Variants in HS1BP3 observed in about 807,000 individuals in gnomAD.
The protein encoded by HS1BP3 is HCLS1 binding protein 3.
In HS1BP3, 32 loss-of-function variants were observed where a neutral mutation model predicts 33.5. The observed-to-expected ratio is 0.95, with a 90% confidence interval of 0.72 to 1.28. The LOEUF (loss-of-function observed/expected upper bound fraction) is 1.28. HS1BP3 is among the 50% of genes most tolerant of loss of function. The pLI, the probability that HS1BP3 is intolerant of heterozygous loss-of-function variation, is 0.00. For synonymous variants in HS1BP3, 187 were observed against 209.2 expected (o/e 0.89, Z 0.92); for missense variants, 486 against 502.3 (o/e 0.97, Z 0.31).
At chr2:20,626,836 C>A (rs1288773831) in intron 4 of HS1BP3, among the ~76,000 whole-genome samples, 1 of 152,186 alleles carries the variant, frequency 6.6e-6, no homozygotes, top group Non-Finnish European at 1.5e-5. Flanking sequence ...TCCTCTGAGA[C>A]CTGGAGGAGC....
intron 6 of HS1BP3, chr2:20,623,613 C>A: frequency 3.2e-6 from 1 of 313,854 alleles, no homozygotes; most frequent in Non-Finnish European, 5.8e-6. Flanking sequence ...TTTAATTATT[C>A]TTTACATAAA....
chr2:20,622,391 C>G, intron 6 of HS1BP3: 2 of 1,194,110 alleles, frequency 1.7e-6, no homozygotes, highest in Non-Finnish European at 2.2e-6. Context: ...GGTGGGGGTG[C>G]GGGACCCACA....
chr2:20,598,659 C>T (rs1694001746), intron 2 of HS1BP3, among the ~76,000 whole-genome samples: 1 of 143,080 alleles, frequency 7.0e-6, no homozygotes, highest in East Asian at 2.1e-4. Flanking sequence ...CCCGGGTTCA[C>T]GCCATTCTCC....
downstream of HS1BP3, among the ~76,000 whole-genome samples, chr2:20,556,992 AC>A (rs1248504572): frequency 1.3e-5 from 2 of 152,042 alleles, no homozygotes; most frequent in African/African-American, 4.8e-5. Flanking sequence ...TGTTCGTTCT[AC>A]CCCATGCCTT....
chr2:20,617,079 T>C (rs1201570056), downstream of HS1BP3, among the ~76,000 whole-genome samples: 1 of 152,144 alleles, frequency 6.6e-6, no homozygotes, highest in Non-Finnish European at 1.5e-5. Context: ...CCTACCCCGC[T>C]GTGCCCTCTG....
At chr2:20,581,923 C>A (rs1693543789) in intron 5 of HS1BP3, among the ~76,000 whole-genome samples, 1 of 152,190 alleles carries the variant, frequency 6.6e-6, no homozygotes, top group Non-Finnish European at 1.5e-5. Flanking sequence ...CATGAGTTAG[C>A]TGCTTACTCC....
intron 5 of HS1BP3, among the ~76,000 whole-genome samples, chr2:20,560,981 A>G (rs1238962882): frequency 3.9e-5 from 6 of 152,122 alleles, no homozygotes; most frequent in African/African-American, 1.2e-4. Flanking sequence ...AGTCCCCACA[A>G]GGGGCAGAGG....
downstream of HS1BP3, among the ~76,000 whole-genome samples, chr2:20,613,362 T>C (rs1180880383): frequency 6.6e-6 from 1 of 152,158 alleles, no homozygotes; most frequent in Non-Finnish European, 1.5e-5. Flanking sequence ...CAGAGCCCTT[T>C]CCGACTACCT....
At chr2:20,575,242 C>G (rs763337276) in intron 5 of HS1BP3, among the ~76,000 whole-genome samples, 1 of 152,198 alleles carries the variant, frequency 6.6e-6, no homozygotes, top group African/African-American at 2.4e-5. Flanking sequence ...CTCTAGGCCT[C>G]GTTCCAAGGG....
At position 20,651,079 on chromosome 2, in the gene HS1BP3, T is replaced by G. The variant is rs1695683539; in HGVS notation, c.-16A>C. 8.1e-7 allele frequency: 1 copy of G among 1,230,858 alleles called. No homozygotes were observed. The highest frequency in any genetic ancestry group is 1.0e-6 in the Non-Finnish European group (1 of 987,142). The allele number at this position is 1,230,858 out of a possible 1,614,324, so 76.2% of individuals were successfully genotyped here. A position where few individuals can be genotyped will look rare whatever the true frequency, so the allele number is the denominator to read the frequency against. On this transcript the variant is annotated 5_prime_UTR_variant, in exon 1 of 7. Transcript: ENST00000304031. ...GGGACTGCATGACGGCGGCGGGGAC[T>G]CCGGGCGGGGCGCGCAGTCACGGGA...
At chr2:20,613,918 C>T (rs1694364827), downstream of HS1BP3, among the ~76,000 whole-genome samples, 1 of 152,204 alleles carries the variant, frequency 6.6e-6, no homozygotes, top group African/African-American at 2.4e-5. Context: ...TTCATGTCCA[C>T]AAGGACGCTG....
intron 4 of HS1BP3, among the ~76,000 whole-genome samples, chr2:20,632,093 G>A (rs1694986553): frequency 6.6e-6 from 1 of 152,204 alleles, no homozygotes; most frequent in Non-Finnish European, 1.5e-5. Flanking sequence ...GAGGACAAAG[G>A]ATGCCCCACT....
At chr2:20,642,099 C>T (rs895282582) in intron 2 of HS1BP3, among the ~76,000 whole-genome samples, 55 of 152,370 alleles carry the variant, frequency 3.6e-4, no homozygotes, top group African/African-American at 1.1e-3. Flanking sequence ...CCTACCCTCA[C>T]TCCTCGCTCC....
At chr2:20,619,951 C>A (rs1188046582) in intron 6 of HS1BP3, among the ~76,000 whole-genome samples, 2 of 152,330 alleles carry the variant, frequency 1.3e-5, no homozygotes, top group East Asian at 1.9e-4. Context: ...TCGGCCAGGG[C>A]CCACCAAGAC....
intron 6 of HS1BP3, among the ~76,000 whole-genome samples, chr2:20,620,882 A>AGGG (rs1694577908): frequency 6.6e-6 from 1 of 152,264 alleles, no homozygotes; most frequent in Admixed American, 6.5e-5. Context: ...CCCCCAGCCC[A>AGGG]GTCAGACAGG....
chr2:20,597,071 C>T (rs1353667339), intron 3 of HS1BP3, among the ~76,000 whole-genome samples: 1 of 152,206 alleles, frequency 6.6e-6, no homozygotes, highest in Non-Finnish European at 1.5e-5. Flanking sequence ...GAGACACAGG[C>T]CGCCACTCCA....
intron 6 of HS1BP3, 42 bp downstream of exon 6, chr2:20,623,854 C>T: frequency 6.3e-7 from 1 of 1,591,968 alleles, no homozygotes; most frequent in Non-Finnish European, 8.5e-7. Context: ...CTGTCCAGAA[C>T]ACTCTCAGAG....
chr2:20,628,846 C>T (rs192501427), intron 4 of HS1BP3, among the ~76,000 whole-genome samples: 5 of 152,036 alleles, frequency 3.3e-5, no homozygotes, highest in East Asian at 3.9e-4. Flanking sequence ...CTGCAGCGGG[C>T]GTGACTAGGA....
chr2:20,560,410 G>T, downstream of HS1BP3: 1 of 152,498 alleles, frequency 6.6e-6, no homozygotes, highest in Non-Finnish European at 1.5e-5. Context: ...GAAGGGGAAG[G>T]CTAGACGAAG....
Sources: allele counts gnomAD v4.1 joint callset (sites outside exome capture counted in the v4.1 genomes callset), GRCh38; gene constraint gnomAD v4.1.1; transcripts MANE v1.5; gene names NCBI Gene and HGNC (gene_info 2026-07-23, HGNC 2026-07-21).